PLOD1: variants seen among roughly 807,000 people sequenced by gnomAD.
The protein encoded by PLOD1 is lysine hydroxylase.
Under a neutral mutation model 94.7 loss-of-function variants are expected in PLOD1, and 70 were observed. The ratio of observed to expected loss-of-function variants is 0.74; its 90% CI spans 0.61 to 0.90. The LOEUF (loss-of-function observed/expected upper bound fraction) is 0.90, where lower values mean the gene tolerates loss of function less well. PLOD1 is among the 40% of genes least tolerant of loss of function. PLOD1 has a pLI of 0.00. For missense variants in PLOD1, 905 were observed against 972.7 expected (o/e 0.93, Z 0.93); for synonymous variants, 417 against 400.2 (o/e 1.04, Z -0.50).
chr1:11,956,223 A>C (rs1048156542), intron 6 of PLOD1, among the ~76,000 whole-genome samples: 2 of 152,060 alleles, frequency 1.3e-5, no homozygotes, highest in African/African-American at 4.8e-5. Context: ...GTCTCTACTA[A>C]AAATACAAAA....
At chr1:11,945,316 G>A (rs1645642930) in intron 1 of PLOD1, among the ~76,000 whole-genome samples, 1 of 151,988 alleles carries the variant, frequency 6.6e-6, no homozygotes, top group African/African-American at 2.4e-5. Flanking sequence ...TACCTGGGAG[G>A]CTAAGGTGGG....
At chr1:11,962,031 C>A (rs1021435161) in intron 10 of PLOD1, among the ~76,000 whole-genome samples, 1 of 152,126 alleles carries the variant, frequency 6.6e-6, no homozygotes, top group Admixed American at 6.6e-5. Flanking sequence ...TCAAGTGATC[C>A]GCCCGCCTTG....
chr1:11,943,286 CT>C (rs972022344), intron 1 of PLOD1, among the ~76,000 whole-genome samples: 5 of 134,362 alleles, frequency 3.7e-5, no homozygotes, highest in Non-Finnish European at 6.1e-5. Context: ...CCGTGCCCGG[CT>C]TTTTTTTTCT....
chr1:11,945,910 T>C (rs1645650888), intron 1 of PLOD1, among the ~76,000 whole-genome samples: 2 of 152,052 alleles, frequency 1.3e-5, no homozygotes, highest in African/African-American at 4.8e-5. Context: ...GGTTTCACCA[T>C]GTTGGCCAGG....
Position 11,954,900 on chromosome 1 carries a change from A to G in PLOD1, c.643+7A>G, listed in dbSNP as rs1324243811. The stretch of plus-strand genomic sequence containing the variant: ...AACCTGGATGGAGCCTTGGGTGAGC[A>G]GCCCCCACGGGGAGGGGTGGATCCT... On this transcript the variant is annotated splice_region_variant and intron_variant, in intron 6 of 18. Transcript: ENST00000196061. The G allele has an allele frequency of 6.2e-7, 1 of 1,609,524 alleles. No homozygotes were observed. Among genetic ancestry groups the G allele is most frequent in the African/African-American group, 1.3e-5 (1 of 74,946 alleles).
intron 6 of PLOD1, among the ~76,000 whole-genome samples, 176 bp downstream of exon 6, chr1:11,955,069 A>G (rs1390827745): frequency 6.6e-6 from 1 of 152,152 alleles, no homozygotes; most frequent in Non-Finnish European, 1.5e-5. Flanking sequence ...GCGCAGAGCC[A>G]TGTCTCTCTT....
Position 11,964,229 on chromosome 1 carries a change from G to A in PLOD1, c.1257G>A (p.Trp419Ter). ...ATGGGAGGCTGTGGTCGAACTTCTG[G>A]GGGGCTCTCAGTGCAGATGGCTACT... ...TRHGRLWSNF[W>*]GALSADGYYA... is the part of the protein sequence containing the mutation. Residue 419 changes from tryptophan (W) to a stop codon, truncating the protein, a stop_gained, in exon 12 of 19, where the codon TGG (tryptophan) becomes TGA (stop). Coordinates refer to ENST00000196061, the MANE Select transcript of PLOD1 (RefSeq NM_000302.4). LOFTEE classifies it high-confidence loss of function. 1.2e-6 allele frequency: 2 copies of A among 1,613,768 alleles called. No homozygotes were observed. The highest frequency in any genetic ancestry group is 1.7e-6 in the Non-Finnish European group (2 of 1,179,910).
chr1:11,960,525 T>C, intron 9 of PLOD1, 121 bp from the exon 10 acceptor site: 1 of 770,842 alleles, frequency 1.3e-6, no homozygotes. Context: ...GGAAAGCAGA[T>C]GGCCGGGGTG....
intron 5 of PLOD1, chr1:11,954,467 CAA>C (rs1023732753): frequency 4.8e-5 from 24 of 499,072 alleles, no homozygotes; most frequent in Non-Finnish European, 7.0e-5. Flanking sequence ...GCCTGGGTGA[CAA>C]GAGCGAAACT....
At chr1:11,974,339 C>T (rs1278991305) in intron 18 of PLOD1, among the ~76,000 whole-genome samples, 1 of 152,170 alleles carries the variant, frequency 6.6e-6, no homozygotes, top group Non-Finnish European at 1.5e-5. Flanking sequence ...TGCGCTGCTA[C>T]ACCCAGCTGG....
At chr1:11,937,137 C>T (rs1245118180) in intron 1 of PLOD1, among the ~76,000 whole-genome samples, 6 of 152,194 alleles carry the variant, frequency 3.9e-5, no homozygotes, top group Non-Finnish European at 5.9e-5. Context: ...CGTGAGCCAC[C>T]GCGCCCGGCC....
intron 13 of PLOD1, among the ~76,000 whole-genome samples, 190 bp from the exon 14 acceptor site, chr1:11,965,290 C>T (rs1369471713): frequency 6.6e-6 from 1 of 152,180 alleles, no homozygotes; most frequent in Non-Finnish European, 1.5e-5. Context: ...TCCCTGATCA[C>T]ATTCTTAGTG....
chr1:11,953,767 G>C (rs1569696760), intron 5 of PLOD1, among the ~76,000 whole-genome samples: 1 of 151,758 alleles, frequency 6.6e-6, no homozygotes, highest in Non-Finnish European at 1.5e-5. Context: ...ACTGCAGCCT[G>C]GGTGACAAGA....
chr1:11,957,836 C>T lies in PLOD1; in HGVS notation c.742-6C>T, dbSNP rs569632202. On this transcript the variant is annotated splice_region_variant and splice_polypyrimidine_tract_variant and intron_variant, in intron 7 of 18. Transcript: ENST00000196061. The surrounding 1 kb of genome is among the most constrained non-coding windows in gnomAD (Gnocchi z 4.1). Reference sequence around the variant, plus strand: ...GCTTCTCTGTGACCCCACGTCTCCCCGACAGCTGCAGTTGAACTACCTGGG... The same window carrying T: ...GCTTCTCTGTGACCCCACGTCTCCCTGACAGCTGCAGTTGAACTACCTGGG... 104 of 1,609,288 alleles carry T rather than the reference C, an allele frequency of 6.5e-5. 2 individuals are homozygous for T. The South Asian group carries it at 8.2e-4, about 13-fold the overall frequency.
intron 5 of PLOD1, chr1:11,954,481 T>C (rs1458619633): frequency 5.5e-6 from 3 of 541,150 alleles, no homozygotes; most frequent in Non-Finnish European, 7.5e-6. Flanking sequence ...AGCGAAACTC[T>C]TTCTCAAAAA....
chr1:11,936,467 A>G (rs529782440), intron 1 of PLOD1, among the ~76,000 whole-genome samples: 19 of 151,864 alleles, frequency 1.3e-4, no homozygotes, highest in African/African-American at 4.6e-4. Context: ...CTGTATCACC[A>G]GAAGGATCCC....
intron 1 of PLOD1, among the ~76,000 whole-genome samples, chr1:11,938,274 A>G (rs1050965594): frequency 2.6e-5 from 4 of 152,112 alleles, no homozygotes; most frequent in African/African-American, 9.7e-5. Flanking sequence ...TAAGTAAGAA[A>G]TCATCAACTC....
At chr1:11,969,483 G>A (rs537096451) in intron 16 of PLOD1, among the ~76,000 whole-genome samples, 6 of 152,292 alleles carry the variant, frequency 3.9e-5, no homozygotes, top group South Asian at 2.1e-4. Context: ...GGACTAGCCC[G>A]TGCATTCTGG....
intron 3 of PLOD1, 131 bp from the exon 4 acceptor site, chr1:11,950,226 A>T: frequency 1.1e-6 from 1 of 893,556 alleles, no homozygotes; most frequent in Admixed American, 2.0e-5. Flanking sequence ...CATTTCCCAG[A>T]TGGTGGCCCA....
Sources: gnomAD v4.1 joint callset for allele counts (sites outside exome capture counted in the v4.1 genomes callset) on GRCh38, gnomAD v4.1.1 for gene constraint, Gnocchi (gnomAD v3.1) non-coding constraint, MANE v1.5 for transcripts, NCBI Gene and HGNC (gene_info 2026-07-23, HGNC 2026-07-21) for gene names.